Variants in SVIL observed in about 807,000 individuals in gnomAD.
SVIL encodes the protein supervillin, also known as archvillin.
In SVIL, 101 loss-of-function variants were observed where a neutral mutation model predicts 240.4. That is an observed-to-expected ratio of 0.42 (90% CI 0.36 to 0.50). SVIL has a LOEUF of 0.50. Among genes scored for constraint, SVIL ranks in the 20% least tolerant of loss-of-function variants. The pLI, the probability that SVIL is intolerant of heterozygous loss-of-function variation, is 0.01. For synonymous variants in SVIL, 999 were observed against 1,100.0 expected (o/e 0.91, Z 1.82); for missense variants, 2,512 against 2,818.7 (o/e 0.89, Z 2.46).
chr10:29,729,602 G>A (rs373427160), intron 1 of SVIL, among the ~76,000 whole-genome samples: 8 of 149,504 alleles, frequency 5.4e-5, no homozygotes, highest in East Asian at 4.0e-4. Context: ...TTGGGAGGCC[G>A]AGGTGGGCAG....
intron 2 of SVIL, among the ~76,000 whole-genome samples, chr10:29,565,719 A>G (rs1954911423): frequency 8.3e-6 from 1 of 121,166 alleles, no homozygotes; most frequent in African/African-American, 3.2e-5. Flanking sequence ...GCAAGATCCC[A>G]TCTCTAAAAA....
At chr10:29,507,719 T>C (rs72802778) in intron 17 of SVIL, 417 of 978,564 alleles carry the variant, frequency 4.3e-4, no homozygotes, top group Non-Finnish European at 4.8e-4. Context: ...AGGCTTAAGA[T>C]GAGTGGCTTT....
chr10:29,543,680 C>T (rs1250502384), intron 6 of SVIL, among the ~76,000 whole-genome samples: 1 of 152,148 alleles, frequency 6.6e-6, no homozygotes. Context: ...TCTCTTCCTC[C>T]TCCATCTCTC....
intron 6 of SVIL, among the ~76,000 whole-genome samples, chr10:29,547,056 G>C (rs1318666756): frequency 6.6e-6 from 1 of 152,114 alleles, no homozygotes; most frequent in African/African-American, 2.4e-5. Context: ...AGGTCACCAA[G>C]GAGGTTTCTT....
At position 29,634,906 on chromosome 10, in the gene SVIL, A is replaced by G. The variant is rs1461137070; in HGVS notation, c.-687T>C. The G allele has an allele frequency of 6.6e-6, 1 of 152,106 alleles. No individual in the cohort carries two copies. Among genetic ancestry groups the G allele is most frequent in the Non-Finnish European group, 1.5e-5 (1 of 68,004 alleles). The allele number at this position is 152,106 out of a possible 1,614,324, so 9.4% of individuals were successfully genotyped here. A position where few individuals can be genotyped will look rare whatever the true frequency, so the allele number is the denominator to read the frequency against. ...CAACCTGGCCTCGGTGGAGCCATCC[A>G]TTACTGGGCAAATCCACATGAAACC... On this transcript the variant is annotated 5_prime_UTR_variant, in exon 1 of 38. The change abolishes an upstream ATG in the 5' untranslated region. Coordinates refer to ENST00000355867, the MANE Select transcript of SVIL (RefSeq NM_021738.3).
intron 3 of SVIL, among the ~76,000 whole-genome samples, chr10:29,640,124 T>A (rs990431671): frequency 2.0e-4 from 31 of 152,206 alleles, no homozygotes; most frequent in Admixed American, 9.8e-4. Context: ...TCACCCTGAA[T>A]GTTCCAGAAC....
intron 1 of SVIL, chr10:29,602,172 T>C: frequency 2.2e-6 from 1 of 463,456 alleles, no homozygotes; most frequent in Non-Finnish European, 4.4e-6. Context: ...AGAAATGCTG[T>C]CCACGACAAA....
rs539807804 is a variant in SVIL, at chr10:29,474,486, T to C, written c.5378-497A>G. On this transcript the variant is annotated intron_variant, in intron 29 of 37. Transcript: ENST00000355867. Reference sequence around the variant, plus strand: ...GTTGCACACCTGTAGTCCCAGCTACTTGGGAGACTGAGGCAGGAGGATCAC... The same window carrying C: ...GTTGCACACCTGTAGTCCCAGCTACCTGGGAGACTGAGGCAGGAGGATCAC... Among the ~76,000 whole-genome samples the C allele has an allele frequency of 4.8e-4, 73 of 152,120 alleles. No homozygotes were observed. In the South Asian group the frequency reaches 0.015, roughly 30 times the overall value.
intron 1 of SVIL, among the ~76,000 whole-genome samples, chr10:29,614,551 T>A (rs1957364261): frequency 6.6e-6 from 1 of 152,040 alleles, no homozygotes; most frequent in Non-Finnish European, 1.5e-5. Flanking sequence ...CTCAGCAAAC[T>A]AACACAGGAA....
intron 1 of SVIL, among the ~76,000 whole-genome samples, chr10:29,602,847 G>A (rs962509960): frequency 3.9e-5 from 6 of 152,122 alleles, no homozygotes; most frequent in African/African-American, 9.7e-5. Context: ...TCAGCCAGGC[G>A]TGGTGGCAGG....
At chr10:29,615,007 A>T (rs114102116) in intron 1 of SVIL, among the ~76,000 whole-genome samples, 1 of 152,154 alleles carries the variant, frequency 6.6e-6, no homozygotes, top group African/African-American at 2.4e-5. Context: ...CAGATGAGGA[A>T]ATTGAGGCAG....
At chr10:29,574,714 G>A (rs550186945) in intron 1 of SVIL, among the ~76,000 whole-genome samples, 298 of 152,298 alleles carry the variant, frequency 2.0e-3, no homozygotes, top group African/African-American at 6.7e-3. Flanking sequence ...CAAGAGAACC[G>A]GGGCCACTGT....
At chr10:29,652,630 T>C (rs1175245413) in intron 3 of SVIL, among the ~76,000 whole-genome samples, 1 of 152,232 alleles carries the variant, frequency 6.6e-6, no homozygotes, top group African/African-American at 2.4e-5. Context: ...AATCTGTGTT[T>C]AATTGTTTGA....
At chr10:29,486,383 A>T (rs761314074) in intron 25 of SVIL, 27 bp downstream of exon 25, 15 of 1,610,590 alleles carry the variant, frequency 9.3e-6, no homozygotes, top group Admixed American at 3.4e-5. Flanking sequence ...AAGTCTCGTC[A>T]ATCTCTGAAG....
intron 1 of SVIL, among the ~76,000 whole-genome samples, chr10:29,712,591 C>T (rs1195588082): frequency 6.6e-6 from 1 of 152,174 alleles, no homozygotes; most frequent in African/African-American, 2.4e-5. Flanking sequence ...TTATAAATTA[C>T]CCAACCTCAG....
intron 1 of SVIL, among the ~76,000 whole-genome samples, chr10:29,690,251 T>C (rs1961399155): frequency 6.6e-6 from 1 of 152,246 alleles, no homozygotes; most frequent in African/African-American, 2.4e-5. Flanking sequence ...ATAGTCACAA[T>C]GATCACCTAA....
At chr10:29,720,789 G>A (rs1963923750) in intron 1 of SVIL, among the ~76,000 whole-genome samples, 1 of 152,204 alleles carries the variant, frequency 6.6e-6, no homozygotes, top group Admixed American at 6.5e-5. Flanking sequence ...GATATGTGAA[G>A]TGATATAATA....
intron 2 of SVIL, among the ~76,000 whole-genome samples, chr10:29,568,174 T>A (rs932419975): frequency 6.6e-6 from 1 of 152,140 alleles, no homozygotes; most frequent in African/African-American, 2.4e-5. Flanking sequence ...GGATCATCAT[T>A]GCTCTAATTA....
chr10:29,523,928 T>C lies in SVIL; in HGVS notation c.2686A>G (p.Thr896Ala), dbSNP rs755631450. The change falls in exon 15 of 38, where the codon ACA (threonine) becomes GCA (alanine). Residue 896 changes from threonine to alanine, a missense_variant. Coordinates refer to ENST00000355867, the MANE Select transcript of SVIL (RefSeq NM_021738.3). ...VAPMYAGDLR[T>A]KPPLDHNASA... Reference sequence around the variant, plus strand: ...GCATTGTGGTCAAGAGGTGGCTTTGTGCGAAGATCTCCGGCATACATTGGA... The same window carrying C: ...GCATTGTGGTCAAGAGGTGGCTTTGCGCGAAGATCTCCGGCATACATTGGA... The C allele has an allele frequency of 1.9e-6, 3 of 1,614,038 alleles. No homozygotes were observed. The African/African-American group carries it at 4.0e-5, about 22-fold the overall frequency.
Sources: allele counts gnomAD v4.1 joint callset (sites outside exome capture counted in the v4.1 genomes callset), GRCh38; gene constraint gnomAD v4.1.1; transcripts MANE v1.5; gene names NCBI Gene and HGNC (gene_info 2026-07-23, HGNC 2026-07-21).